The following GRB14 variants were observed in gnomAD, a reference collection of about 807,000 sequenced individuals.
GRB14 encodes the protein growth factor receptor-bound protein 14.
A neutral mutation model predicts 69.1 loss-of-function variants in GRB14; 38 were observed. The ratio of observed to expected loss-of-function variants is 0.55; its 90% CI spans 0.42 to 0.72. The LOEUF is 0.72. GRB14 is among the 30% of genes least tolerant of loss of function. GRB14 has a pLI of 0.00. For missense variants in GRB14, 666 were observed against 666.1 expected, an observed-to-expected ratio of 1.00 and a Z score of 0.00; for synonymous variants, 247 against 241.3, an observed-to-expected ratio of 1.02 and a Z score of -0.22.
At chr2:164,618,394 T>A (rs376479267) in intron 2 of GRB14, among the ~76,000 whole-genome samples, 1 of 152,130 alleles carries the variant, frequency 6.6e-6, no homozygotes, top group Admixed American at 6.5e-5. Flanking sequence ...GGCTGTTTTT[T>A]CCTTGGGATC....
chr2:164,589,608 A>G (rs1367682751), intron 2 of GRB14, among the ~76,000 whole-genome samples: 1 of 152,006 alleles, frequency 6.6e-6, no homozygotes, highest in African/African-American at 2.4e-5. Flanking sequence ...TCATGGAGAG[A>G]CAACTAATTT....
At chr2:164,607,093 C>T (rs563748916) in intron 2 of GRB14, among the ~76,000 whole-genome samples, 1 of 152,336 alleles carries the variant, frequency 6.6e-6, no homozygotes, top group South Asian at 2.1e-4. Context: ...AATACTCAAA[C>T]ATTTATCCTG....
intron 3 of GRB14, among the ~76,000 whole-genome samples, chr2:164,535,688 A>C (rs1404159956): frequency 2.0e-5 from 3 of 152,244 alleles, no homozygotes; most frequent in African/African-American, 7.2e-5. Flanking sequence ...GCAAAACAAA[A>C]ACTGGAGAAG....
chr2:164,503,169 TAAAAA>T (rs3086552), intron 8 of GRB14, among the ~76,000 whole-genome samples: 2 of 126,606 alleles, frequency 1.6e-5, no homozygotes. Flanking sequence ...GCTACTTTGT[TAAAAA>T]AAAAAAAAAA....
At chr2:164,580,131 G>A (rs1035442000) in intron 2 of GRB14, among the ~76,000 whole-genome samples, 3 of 146,660 alleles carry the variant, frequency 2.0e-5, no homozygotes, top group African/African-American at 5.0e-5. Context: ...GTCTTGCTCT[G>A]TCGCCCAGGC....
At chr2:164,508,165 A>G (rs1293689853) in intron 8 of GRB14, among the ~76,000 whole-genome samples, 4 of 152,218 alleles carry the variant, frequency 2.6e-5, no homozygotes, top group East Asian at 3.9e-4. Context: ...TATAGGAGAC[A>G]TTTCATTCAG....
At chr2:164,595,921 C>T (rs556311896) in intron 2 of GRB14, among the ~76,000 whole-genome samples, 132 of 152,218 alleles carry the variant, frequency 8.7e-4, no homozygotes, top group Admixed American at 2.9e-3. Context: ...ATCAGGAGAT[C>T]GAGACCATCC....
rs1688660837 is a variant in GRB14 at position 164,555,663 on chromosome 2, T to A, written c.325-7847A>T. Among the ~76,000 whole-genome samples the A allele has an allele frequency of 2.0e-5, 3 of 150,388 alleles. No homozygotes were observed. In the South Asian group the frequency reaches 6.2e-4, roughly 31 times the overall value. ...TATTTTAAATTTATTTTAAATATCA[T>A]ATTTAAATATGACCTTAGCATGATG... is the stretch of plus-strand genomic sequence containing the variant. On this transcript the variant is annotated intron_variant, in intron 2 of 13. Coordinates refer to ENST00000263915, the MANE Select transcript of GRB14 (RefSeq NM_004490.3).
intron 2 of GRB14, among the ~76,000 whole-genome samples, chr2:164,589,636 G>A (rs546444427): frequency 3.9e-5 from 6 of 151,946 alleles, no homozygotes; most frequent in Admixed American, 2.0e-4. Flanking sequence ...ACTCAAGAAG[G>A]GCATTAATCT....
chr2:164,501,735 TA>T (rs914326709), intron 9 of GRB14, among the ~76,000 whole-genome samples: 1 of 151,998 alleles, frequency 6.6e-6, no homozygotes, highest in Non-Finnish European at 1.5e-5. Context: ...ACCTGGAACT[TA>T]AAAAAATTAT....
At chr2:164,511,833 G>A (rs1404789190) in intron 6 of GRB14, among the ~76,000 whole-genome samples, 1 of 152,088 alleles carries the variant, frequency 6.6e-6, no homozygotes, top group African/African-American at 2.4e-5. Flanking sequence ...TGGTTCTGAG[G>A]GGTCCCCAGT....
chr2:164,523,592 C>G (rs1265507245), intron 5 of GRB14, among the ~76,000 whole-genome samples: 1 of 151,848 alleles, frequency 6.6e-6, no homozygotes, highest in African/African-American at 2.4e-5. Flanking sequence ...ATTTAATGAG[C>G]CACAGATATT....
intron 2 of GRB14, among the ~76,000 whole-genome samples, chr2:164,585,607 T>C (rs1166774005): frequency 1.3e-5 from 2 of 152,194 alleles, no homozygotes; most frequent in African/African-American, 4.8e-5. Context: ...AACTATATGA[T>C]GGGATTAGCT....
At position 164,497,247 on chromosome 2, in the gene GRB14, G is replaced by C; in HGVS notation, c.1258C>G (p.Pro420Ala). Residue 420 changes from proline (P) to alanine (A), a missense_variant, in exon 11 of 14, where the codon CCC becomes GCC. By Grantham distance (27) the Pro-to-Ala change is conservative. Transcript: ENST00000263915. ...GCAGAGCTCTGTGAAGAGGCAGTGGGGCTACCGTGAGTGCCCAGGCGTAAA... is the reference window on the plus strand; with the variant it reads ...GCAGAGCTCTGTGAAGAGGCAGTGGCGCTACCGTGAGTGCCCAGGCGTAAA... Reference protein sequence around the residue: ...GCLRLGTHGSPTASSQSSATN... With the variant: ...GCLRLGTHGSATASSQSSATN... 1 of 1,613,822 alleles carries C rather than the reference G, an allele frequency of 6.2e-7. No homozygotes were observed. Among genetic ancestry groups the C allele is most frequent in the African/African-American group, 1.3e-5 (1 of 75,020 alleles).
rs185106259 is a variant in GRB14, at chr2:164,612,156, G to A, written c.324+7531C>T. Among the ~76,000 whole-genome samples, 82 of 152,208 alleles carry A rather than the reference G, an allele frequency of 5.4e-4. No individual in the cohort carries two copies. In the South Asian group the frequency reaches 0.011, roughly 20 times the overall value. ...TTTCCACAGAAGCAATTTTAAAAAC[G>A]GTACACGCAATGTTGTAAGAGCACT... On this transcript the variant is annotated intron_variant, in intron 2 of 13. Transcript: ENST00000263915.
chr2:164,497,906 A>G (rs1686946812), intron 9 of GRB14, among the ~76,000 whole-genome samples: 2 of 152,200 alleles, frequency 1.3e-5, no homozygotes, highest in Admixed American at 6.5e-5. Flanking sequence ...TTAAGCTTTG[A>G]GATCCGTCAG....
chr2:164,508,876 G>A, intron 6 of GRB14, 24 bp from the exon 7 acceptor site: 1 of 1,443,504 alleles, frequency 6.9e-7, no homozygotes, highest in Non-Finnish European at 9.4e-7. Context: ...GTATTGACAT[G>A]GATACATATT....
At chr2:164,577,106 G>T (rs17437830) in intron 2 of GRB14, among the ~76,000 whole-genome samples, 19,456 of 152,212 alleles carry the variant, frequency 0.13, 1,290 homozygotes, top group Middle Eastern at 0.19. Flanking sequence ...ATAGAAGAAA[G>T]ACAGTTGTCA....
chr2:164,583,213 A>G (rs1275297059), intron 2 of GRB14, among the ~76,000 whole-genome samples: 1 of 152,198 alleles, frequency 6.6e-6, no homozygotes, highest in Non-Finnish European at 1.5e-5. Context: ...CATTAAAACC[A>G]TTTCCATACA....
Sources: allele counts gnomAD v4.1 joint callset (sites outside exome capture counted in the v4.1 genomes callset), GRCh38; gene constraint gnomAD v4.1.1; transcripts MANE v1.5; gene names NCBI Gene and HGNC (gene_info 2026-07-23, HGNC 2026-07-21).